The following NCOA1 variants were observed in gnomAD, a reference collection of about 807,000 sequenced individuals.
The protein encoded by NCOA1 is Hin-2 protein.
A neutral mutation model predicts 150.9 loss-of-function variants in NCOA1; 35 were observed. The observed-to-expected ratio is 0.23, with a 90% CI of 0.18 to 0.31. NCOA1 has a LOEUF of 0.31. Ranked by LOEUF, NCOA1 falls within the 10% of genes least tolerant of loss-of-function variation. The pLI is 1.00. For synonymous variants in NCOA1, 590 were observed against 630.0 expected, an observed-to-expected ratio of 0.94 and a Z score of 0.95; for missense variants, 1,491 against 1,749.3, an observed-to-expected ratio of 0.85 and a Z score of 2.63.
chr2:24,638,447 G>T (rs921432121), intron 3 of NCOA1, among the ~76,000 whole-genome samples: 3 of 152,080 alleles, frequency 2.0e-5, no homozygotes, highest in African/African-American at 4.8e-5. Flanking sequence ...CAACATGGTA[G>T]TGCAGACGTC....
chr2:24,651,757 A>C (rs1670721185), intron 4 of NCOA1, among the ~76,000 whole-genome samples: 2 of 152,080 alleles, frequency 1.3e-5, no homozygotes, highest in African/African-American at 2.4e-5. Context: ...AAGACATACA[A>C]ATGGCCAATG....
intron 3 of NCOA1, among the ~76,000 whole-genome samples, chr2:24,623,738 C>T (rs1282116152): frequency 2.0e-5 from 3 of 152,266 alleles, no homozygotes; most frequent in East Asian, 3.9e-4. Flanking sequence ...TGTATTTGGC[C>T]GCCATCTTCC....
At chr2:24,551,890 C>T (rs1665845698) in intron 1 of NCOA1, among the ~76,000 whole-genome samples, 2 of 152,076 alleles carry the variant, frequency 1.3e-5, no homozygotes, top group African/African-American at 2.4e-5. Flanking sequence ...GTTCCTGCAC[C>T]ATTTGTTGCA....
At chr2:24,512,201 G>A (rs1292352521) in intron 1 of NCOA1, among the ~76,000 whole-genome samples, 4 of 152,140 alleles carry the variant, frequency 2.6e-5, no homozygotes, top group African/African-American at 9.7e-5. Flanking sequence ...AGTTTTAGAG[G>A]TGGTTAGTTC....
chr2:24,519,408 G>A (rs2148130927), intron 1 of NCOA1, among the ~76,000 whole-genome samples: 1 of 152,180 alleles, frequency 6.6e-6, no homozygotes, highest in South Asian at 2.1e-4. Context: ...CTTTTGGGAT[G>A]ATGAATATGT....
At chr2:24,605,858 T>C (rs1668339356) in intron 3 of NCOA1, among the ~76,000 whole-genome samples, 1 of 152,246 alleles carries the variant, frequency 6.6e-6, no homozygotes, top group Non-Finnish European at 1.5e-5. Context: ...TCAGTTTCTC[T>C]TCTCCCATCT....
At chr2:24,587,314 A>G (rs1044575956) in intron 3 of NCOA1, among the ~76,000 whole-genome samples, 1 of 152,208 alleles carries the variant, frequency 6.6e-6, no homozygotes, top group Non-Finnish European at 1.5e-5. Flanking sequence ...ACTCACCTTC[A>G]TATTGGTTAT....
At chr2:24,641,414 T>G (rs1159036146) in intron 3 of NCOA1, among the ~76,000 whole-genome samples, 2 of 151,976 alleles carry the variant, frequency 1.3e-5, no homozygotes, top group Non-Finnish European at 1.5e-5. Flanking sequence ...AAATACATAG[T>G]CCGTTTTATT....
intron 3 of NCOA1, among the ~76,000 whole-genome samples, chr2:24,585,040 T>A (rs1667343575): frequency 1.3e-5 from 2 of 152,214 alleles, no homozygotes; most frequent in African/African-American, 2.4e-5. Context: ...TGGCTTTTTT[T>A]AAGGTTCTTT....
intron 3 of NCOA1, among the ~76,000 whole-genome samples, chr2:24,631,145 T>G (rs188380719): frequency 6.8e-4 from 103 of 152,270 alleles, no homozygotes; most frequent in African/African-American, 2.4e-3. Flanking sequence ...TTAAATTTTA[T>G]TTGGGGTAAA....
At chr2:24,680,719 T>G (rs1165013502) in intron 7 of NCOA1, among the ~76,000 whole-genome samples, 1 of 152,182 alleles carries the variant, frequency 6.6e-6, no homozygotes, top group Non-Finnish European at 1.5e-5. Flanking sequence ...GAGAGAGCTT[T>G]TAAGTGTTTT....
At chr2:24,702,734 T>C (rs180991795) in intron 11 of NCOA1, among the ~76,000 whole-genome samples, 14 of 152,294 alleles carry the variant, frequency 9.2e-5, no homozygotes, top group African/African-American at 3.4e-4. Flanking sequence ...GACACAGGAA[T>C]CAGAGATCAG....
At chr2:24,692,531 A>AT (rs1256529508) in intron 9 of NCOA1, among the ~76,000 whole-genome samples, 7 of 152,138 alleles carry the variant, frequency 4.6e-5, no homozygotes, top group African/African-American at 1.7e-4. Flanking sequence ...TTCTCATATA[A>AT]TTATCTACAC....
chr2:24,519,191 G>C (rs1399022543), intron 1 of NCOA1, among the ~76,000 whole-genome samples: 2 of 152,152 alleles, frequency 1.3e-5, no homozygotes, highest in South Asian at 4.1e-4. Flanking sequence ...TAAACAAAAT[G>C]TATATGTATA....
At chr2:24,591,275 A>G (rs1667646643) in intron 3 of NCOA1, among the ~76,000 whole-genome samples, 1 of 152,202 alleles carries the variant, frequency 6.6e-6, no homozygotes, top group African/African-American at 2.4e-5. Context: ...ACATAATAAT[A>G]ATGTCAACTG....
chr2:24,558,846 T>C (rs1362829674), intron 1 of NCOA1, among the ~76,000 whole-genome samples: 1 of 152,140 alleles, frequency 6.6e-6, no homozygotes, highest in Non-Finnish European at 1.5e-5. Flanking sequence ...GTGATCTGAT[T>C]GGATCCTGTC....
chr2:24,683,763 T>A (rs997923026), intron 8 of NCOA1, among the ~76,000 whole-genome samples: 2 of 152,166 alleles, frequency 1.3e-5, no homozygotes, highest in Non-Finnish European at 2.9e-5. Context: ...TCCTCTAAAG[T>A]TTTTCAGTGC....
At chr2:24,566,926 G>A (rs918892824) in intron 2 of NCOA1, among the ~76,000 whole-genome samples, 3 of 152,226 alleles carry the variant, frequency 2.0e-5, no homozygotes, top group Non-Finnish European at 4.4e-5. Context: ...GGGTCCCTAA[G>A]AGTGCAGAGA....
At chr2:24,683,244 A>T (rs1672257232) in intron 8 of NCOA1, 116 bp downstream of exon 8, 1 of 603,714 alleles carries the variant, frequency 1.7e-6, no homozygotes, top group Non-Finnish European at 2.4e-6. Flanking sequence ...ATGTTATAAT[A>T]TGTGTTTAAA....
Sources: allele counts gnomAD v4.1 joint callset (sites outside exome capture counted in the v4.1 genomes callset), GRCh38; gene constraint gnomAD v4.1.1; transcripts MANE v1.5; gene names NCBI Gene and HGNC (gene_info 2026-07-23, HGNC 2026-07-21).